The following ABCA1 variants were observed in gnomAD, a reference collection of about 807,000 sequenced individuals.
The protein encoded by ABCA1 is phospholipid-transporting ATPase ABCA1.
In ABCA1, 133 loss-of-function variants were observed where a neutral mutation model predicts 262.5. The observed-to-expected ratio is 0.51, with a 90% confidence interval of 0.44 to 0.59. The LOEUF is 0.59. ABCA1 is among the 20% of genes least tolerant of loss of function. ABCA1 has a pLI of 0.00. For missense variants in ABCA1, 2,452 were observed against 2,777.5 expected (o/e 0.88, Z 2.63); for synonymous variants, 1,022 against 1,043.5 (o/e 0.98, Z 0.40).
chr9:104,800,442 A>G (rs1339683696), intron 35 of ABCA1, 68 bp downstream of exon 35: 2 of 1,484,012 alleles, frequency 1.3e-6, no homozygotes, highest in Middle Eastern at 1.7e-4. Flanking sequence ...CCATGAGTTG[A>G]AAGTACTCCA....
intron 1 of ABCA1, among the ~76,000 whole-genome samples, chr9:104,912,109 G>A (rs999054889): frequency 4.6e-5 from 7 of 152,062 alleles, no homozygotes; most frequent in African/African-American, 1.4e-4. Flanking sequence ...CAAAATTATT[G>A]CTAATAGCTA....
chr9:104,782,145 A>G lies in ABCA1; in HGVS notation c.*2170T>C, dbSNP rs1828582799. The G allele has an allele frequency of 6.6e-6, 1 of 152,152 alleles. No homozygotes were observed. Among genetic ancestry groups the G allele is most frequent in the Non-Finnish European group, 1.5e-5 (1 of 67,978 alleles). The allele number at this position is 152,152 out of a possible 1,614,324, so 9.4% of individuals were successfully genotyped here. A position where few individuals can be genotyped will look rare whatever the true frequency, so the allele number is the denominator to read the frequency against. ...ACGATTTTAGTAAAATGAGGAAACCATAACTTTGATTTTGAAAAATATTAA... is the reference window on the plus strand; with the variant it reads ...ACGATTTTAGTAAAATGAGGAAACCGTAACTTTGATTTTGAAAAATATTAA... On this transcript the variant is annotated 3_prime_UTR_variant, in exon 50 of 50. Transcript: ENST00000374736.
At chr9:104,925,761 AT>A (rs765348311) in intron 1 of ABCA1, among the ~76,000 whole-genome samples, 2 of 152,192 alleles carry the variant, frequency 1.3e-5, no homozygotes. Context: ...TTTGAAAAAT[AT>A]TGTAATATCT....
chr9:104,790,273 A>G (rs1006991311), intron 44 of ABCA1, among the ~76,000 whole-genome samples: 1 of 152,188 alleles, frequency 6.6e-6, no homozygotes, highest in Non-Finnish European at 1.5e-5. Context: ...AGAGAGGGCA[A>G]TTTACTTTGT....
Position 104,819,057 on chromosome 9 carries a change from G to A in ABCA1, c.3242-174C>T, listed in dbSNP as rs1832034501. On this transcript the variant is annotated intron_variant, in intron 22 of 49. Transcript: ENST00000374736. ...GAATGGCAAAGCTTTGTATATATAG[G>A]TACCACATCCTCACAGAGGTAAGAA... Among the ~76,000 whole-genome samples, 3 of 152,158 alleles carry A rather than the reference G, an allele frequency of 2.0e-5. No homozygotes were observed. In the South Asian group the frequency reaches 6.2e-4, roughly 32 times the overall value.
At chr9:104,907,365 G>T (rs1841221063) in intron 1 of ABCA1, among the ~76,000 whole-genome samples, 1 of 152,160 alleles carries the variant, frequency 6.6e-6, no homozygotes, top group South Asian at 2.1e-4. Flanking sequence ...TCCCTAGGAA[G>T]ACTTGGCTGG....
chr9:104,913,011 A>C (rs1439601574), intron 1 of ABCA1, among the ~76,000 whole-genome samples: 4 of 152,192 alleles, frequency 2.6e-5, no homozygotes, highest in Admixed American at 2.6e-4. Context: ...CGGTTTTCCA[A>C]GAGAATTTTG....
chr9:104,900,428 G>A (rs1373879992), intron 2 of ABCA1, among the ~76,000 whole-genome samples: 2 of 152,156 alleles, frequency 1.3e-5, no homozygotes, highest in Admixed American at 6.5e-5. Context: ...ACATCCATAC[G>A]CTGCAGGCAA....
chr9:104,785,500 G>A lies in ABCA1; in HGVS notation c.6541C>T (p.Pro2181Ser), dbSNP rs1192961968. The A allele has an allele frequency of 6.2e-7, 1 of 1,612,046 alleles. No homozygotes were observed. The highest frequency in any genetic ancestry group is 8.5e-7 in the Non-Finnish European group (1 of 1,178,742). ...KHRNMLQYQL[P>S]SSLSSLARIF... ...CTGGCCAGAGAAGATAATGAAGATG[G>A]AAGCTGGTATTGTAGCATGTTCCGG... Residue 2181 changes from proline to serine, a missense_variant, in exon 49 of 50, where the codon CCA becomes TCA. Physicochemically the swap from Pro to Ser is moderately conservative, Grantham distance 74. Coordinates refer to ENST00000374736, the MANE Select transcript of ABCA1 (RefSeq NM_005502.4).
chr9:104,847,718 T>A (rs969448350), intron 7 of ABCA1, among the ~76,000 whole-genome samples: 1 of 152,196 alleles, frequency 6.6e-6, no homozygotes, highest in Non-Finnish European at 1.5e-5. Flanking sequence ...CACCACAAGG[T>A]GAAGACATCC....
At chr9:104,794,630 G>A (rs1248552513) in intron 39 of ABCA1, 120 bp from the exon 40 acceptor site, 2 of 1,202,854 alleles carry the variant, frequency 1.7e-6, no homozygotes, top group Non-Finnish European at 2.3e-6. Flanking sequence ...GAAAAAATTT[G>A]ATTCTCTAGG....
chr9:104,829,183 T>C, intron 14 of ABCA1, 45 bp from the exon 15 acceptor site: 1 of 1,601,654 alleles, frequency 6.2e-7, no homozygotes. Flanking sequence ...AAGACACACG[T>C]GAGCCAGGGT....
Position 104,818,891 on chromosome 9 carries a change from G to A in ABCA1, c.3242-8C>T, listed in dbSNP as rs1292049190. Reference sequence around the variant, plus strand: ...AGAGAATAATGGTGCGGCCTGCCAGGCACAAACACAAGGATGTGGGACAGG... The same window carrying A: ...AGAGAATAATGGTGCGGCCTGCCAGACACAAACACAAGGATGTGGGACAGG... On this transcript the variant is annotated splice_polypyrimidine_tract_variant and splice_region_variant and intron_variant, in intron 22 of 49. Transcript: ENST00000374736. 1 of 1,608,606 alleles carries A rather than the reference G, an allele frequency of 6.2e-7. No individual in the cohort carries two copies. The highest frequency in any genetic ancestry group is 8.5e-7 in the Non-Finnish European group (1 of 1,177,188).
At chr9:104,921,927 G>A (rs1842157184) in intron 1 of ABCA1, among the ~76,000 whole-genome samples, 1 of 152,178 alleles carries the variant, frequency 6.6e-6, no homozygotes, top group African/African-American at 2.4e-5. Context: ...CAAGTCTAAT[G>A]GAAGTAAAGA....
At chr9:104,900,024 C>A (rs73664374) in intron 2 of ABCA1, among the ~76,000 whole-genome samples, 1 of 152,092 alleles carries the variant, frequency 6.6e-6, no homozygotes, top group African/African-American at 2.4e-5. Flanking sequence ...ACAGAAACAG[C>A]GGAAAACTAA....
intron 2 of ABCA1, 172 bp from the exon 3 acceptor site, chr9:104,889,367 AC>A: frequency 1.0e-6 from 1 of 985,132 alleles, no homozygotes; most frequent in Non-Finnish European, 1.2e-6. Context: ...CAACCTTTTA[AC>A]ATACCATTCC....
chr9:104,812,415 G>A (rs549532584), intron 28 of ABCA1, among the ~76,000 whole-genome samples, 159 bp downstream of exon 28: 22 of 152,166 alleles, frequency 1.4e-4, no homozygotes, highest in African/African-American at 3.1e-4. Context: ...ACTTGCCAGC[G>A]GATACACAAC....
intron 5 of ABCA1, among the ~76,000 whole-genome samples, chr9:104,881,383 T>C (rs1838640101): frequency 6.6e-6 from 1 of 152,114 alleles, no homozygotes; most frequent in African/African-American, 2.4e-5. Flanking sequence ...TACATTAGGT[T>C]TTATAGTTTA....
chr9:104,792,014 T>C lies in ABCA1; in HGVS notation c.5758-16A>G, dbSNP rs1320498723. 3 of 1,610,952 alleles carry C rather than the reference T, an allele frequency of 1.9e-6. No individual in the cohort carries two copies. The highest frequency in any genetic ancestry group is 1.1e-5 in the South Asian group (1 of 90,754). On this transcript the variant is annotated splice_polypyrimidine_tract_variant and intron_variant, in intron 42 of 49. Transcript: ENST00000374736. ...TTCTATATATCTGCAACAAACAAAATGTAAACATTCATAAGCCTCAGTGAC... is the reference window on the plus strand; with the variant it reads ...TTCTATATATCTGCAACAAACAAAACGTAAACATTCATAAGCCTCAGTGAC...
Sources: gnomAD v4.1 joint callset for allele counts (sites outside exome capture counted in the v4.1 genomes callset) on GRCh38, gnomAD v4.1.1 for gene constraint, MANE v1.5 for transcripts, NCBI Gene and HGNC (gene_info 2026-07-23, HGNC 2026-07-21) for gene names.